The following TACR1 variants were observed in gnomAD, a reference collection of about 807,000 sequenced individuals.
The protein encoded by TACR1 is substance-P receptor.
Under a neutral mutation model 35.8 loss-of-function variants are expected in TACR1, and 25 were observed. The ratio of observed to expected loss-of-function variants is 0.70; its 90% confidence interval spans 0.51 to 0.98. The LOEUF (loss-of-function observed/expected upper bound fraction) is 0.98. Among genes scored for constraint, TACR1 ranks in the 50% least tolerant of loss-of-function variants. TACR1 has a pLI of 0.00. For missense variants in TACR1, 478 were observed against 522.9 expected, an observed-to-expected ratio of 0.91 and a Z score of 0.84; for synonymous variants, 195 against 206.7, an observed-to-expected ratio of 0.94 and a Z score of 0.48.
chr2:75,095,254 G>A (rs1236936360), intron 2 of TACR1, among the ~76,000 whole-genome samples: 1 of 152,166 alleles, frequency 6.6e-6, no homozygotes, highest in African/African-American at 2.4e-5. Context: ...CCCTGAGGGT[G>A]CACACTTGGG....
chr2:75,155,226 G>A lies in TACR1; in HGVS notation c.390-34458C>T, dbSNP rs117818957. ...CATTCTTGGGATTGCAGCTCCTAAC[G>A]TAGTTCTCCTCTTCAGCTCAAGGAC... On this transcript the variant is annotated intron_variant, in intron 1 of 4. Transcript: ENST00000305249. Among the ~76,000 whole-genome samples, 85 of 152,280 alleles carry A rather than the reference G, an allele frequency of 5.6e-4. No individual in the cohort carries two copies. The East Asian group carries it at 9.8e-3, about 18-fold the overall frequency.
At chr2:75,078,110 T>A (rs1208210013) in intron 2 of TACR1, among the ~76,000 whole-genome samples, 2 of 152,152 alleles carry the variant, frequency 1.3e-5, no homozygotes, top group Non-Finnish European at 2.9e-5. Flanking sequence ...ATCACCGAGG[T>A]AGGTCTCTAC....
chr2:75,105,617 T>C (rs984075157), intron 2 of TACR1, among the ~76,000 whole-genome samples: 1 of 151,984 alleles, frequency 6.6e-6, no homozygotes, highest in African/African-American at 2.4e-5. Context: ...AAACATCATA[T>C]TGTACGCCGT....
At chr2:75,082,821 A>G (rs1673116356) in intron 2 of TACR1, among the ~76,000 whole-genome samples, 1 of 152,210 alleles carries the variant, frequency 6.6e-6, no homozygotes, top group East Asian at 1.9e-4. Context: ...GATTCTGGAT[A>G]TTAGCCCTTT....
chr2:75,147,706 C>T (rs1375353258), intron 1 of TACR1, among the ~76,000 whole-genome samples: 1 of 150,766 alleles, frequency 6.6e-6, no homozygotes, highest in African/African-American at 2.4e-5. Flanking sequence ...TGATGGCTTT[C>T]AGCTTCATCC....
At chr2:75,134,778 C>G (rs1420218937) in intron 1 of TACR1, among the ~76,000 whole-genome samples, 3 of 152,202 alleles carry the variant, frequency 2.0e-5, no homozygotes, top group African/African-American at 7.2e-5. Context: ...CCTGACCAGG[C>G]ACAAGAAAGC....
intron 2 of TACR1, among the ~76,000 whole-genome samples, chr2:75,093,077 A>G (rs1408654767): frequency 1.3e-5 from 2 of 152,208 alleles, no homozygotes; most frequent in Non-Finnish European, 2.9e-5. Flanking sequence ...CAGGCTGTGT[A>G]TCTGAGAGTG....
At chr2:75,136,079 A>G (rs550928998) in intron 1 of TACR1, among the ~76,000 whole-genome samples, 1 of 152,196 alleles carries the variant, frequency 6.6e-6, no homozygotes, top group South Asian at 2.1e-4. Context: ...CACCTCCCCA[A>G]GCAAGAAGGA....
intron 1 of TACR1, among the ~76,000 whole-genome samples, chr2:75,183,015 C>T (rs558557434): frequency 1.6e-4 from 24 of 152,182 alleles, no homozygotes; most frequent in Non-Finnish European, 2.6e-4. Flanking sequence ...GGGCAGAAAT[C>T]ATGTTTGATT....
intron 1 of TACR1, among the ~76,000 whole-genome samples, chr2:75,127,508 C>G (rs1206249100): frequency 2.0e-5 from 3 of 152,180 alleles, no homozygotes; most frequent in Non-Finnish European, 4.4e-5. Context: ...GGACCCACTT[C>G]AAAAGGTGCC....
At chr2:75,083,531 C>T (rs1173759998) in intron 2 of TACR1, among the ~76,000 whole-genome samples, 5 of 152,128 alleles carry the variant, frequency 3.3e-5, no homozygotes, top group African/African-American at 4.8e-5. Context: ...TGGCCATTTT[C>T]GTGATATTGA....
At chr2:75,099,426 G>T (rs1673489597) in intron 2 of TACR1, among the ~76,000 whole-genome samples, 1 of 152,134 alleles carries the variant, frequency 6.6e-6, no homozygotes, top group Non-Finnish European at 1.5e-5. Flanking sequence ...CACTGAACCT[G>T]ACATTTTCTT....
chr2:75,183,277 T>G (rs1052561325), intron 1 of TACR1, among the ~76,000 whole-genome samples: 3 of 152,220 alleles, frequency 2.0e-5, no homozygotes, highest in African/African-American at 7.2e-5. Context: ...CAATAGTATC[T>G]ACTTGCTTTT....
At chr2:75,057,907 A>G (rs1200841520) in intron 2 of TACR1, among the ~76,000 whole-genome samples, 2 of 152,230 alleles carry the variant, frequency 1.3e-5, no homozygotes, top group African/African-American at 2.4e-5. Flanking sequence ...TTTTATCACA[A>G]TAAAATTTAG....
intron 2 of TACR1, among the ~76,000 whole-genome samples, chr2:75,104,559 A>G (rs1002776589): frequency 2.6e-5 from 4 of 152,202 alleles, no homozygotes; most frequent in Admixed American, 2.0e-4. Context: ...TATATGGCAC[A>G]TTCCATCCAA....
intron 2 of TACR1, among the ~76,000 whole-genome samples, chr2:75,085,037 T>G (rs1403907313): frequency 6.6e-6 from 1 of 152,236 alleles, no homozygotes; most frequent in African/African-American, 2.4e-5. Flanking sequence ...CAATTTTAGA[T>G]CTTTCCTGCT....
intron 2 of TACR1, among the ~76,000 whole-genome samples, chr2:75,066,126 A>G (rs1573462940): frequency 6.6e-6 from 1 of 152,334 alleles, no homozygotes; most frequent in South Asian, 2.1e-4. Flanking sequence ...TAGAAATTTC[A>G]TATTTTCTAC....
At chr2:75,067,897 C>T (rs758049707) in intron 2 of TACR1, among the ~76,000 whole-genome samples, 2 of 152,108 alleles carry the variant, frequency 1.3e-5, no homozygotes, top group Non-Finnish European at 2.9e-5. Flanking sequence ...GCTGGGCCTG[C>T]AAAGTGCCAA....
At position 75,049,786 on chromosome 2, in the gene TACR1, A is replaced by G. The variant is rs116664119; in HGVS notation, c.933-63T>C. On this transcript the variant is annotated intron_variant, in intron 4 of 4. Transcript: ENST00000305249. ...CGGCCTGCTCAGAGGGCTGCCCACCACTGCATCAGCTTGTTAACACATGGA... is the reference window on the plus strand; with the variant it reads ...CGGCCTGCTCAGAGGGCTGCCCACCGCTGCATCAGCTTGTTAACACATGGA... 8.9e-3 allele frequency: 13,479 copies of G among 1,521,038 alleles called. 488 individuals are homozygous for G. The African/African-American group carries it at 0.091, about 10-fold the overall frequency. The allele number at this position is 1,521,038 out of a possible 1,614,324, so 94.2% of individuals were successfully genotyped here.
Sources: gnomAD v4.1 joint callset for allele counts (sites outside exome capture counted in the v4.1 genomes callset) on GRCh38, gnomAD v4.1.1 for gene constraint, MANE v1.5 for transcripts, NCBI Gene and HGNC (gene_info 2026-07-23, HGNC 2026-07-21) for gene names.